The following CCDC144A variants were observed in gnomAD, a reference collection of about 807,000 sequenced individuals.
The protein encoded by CCDC144A is coiled-coil domain-containing protein 144A.
CCDC144A carries 41 observed loss-of-function variants against 143.8 expected under a neutral mutation model. The ratio of observed to expected loss-of-function variants is 0.29; its 90% CI spans 0.22 to 0.37. The LOEUF is 0.37. Ranked by LOEUF, CCDC144A falls within the 10% of genes least tolerant of loss-of-function variation. The pLI is 1.00. For missense variants in CCDC144A, 637 were observed against 1,488.8 expected (o/e 0.43, Z 9.41); for synonymous variants, 242 against 517.9 (o/e 0.47, Z 7.23).
chr17:16,724,094 A>G lies in CCDC144A; in HGVS notation c.1892-3433A>G, dbSNP rs548517766. Among the ~76,000 whole-genome samples the G allele has an allele frequency of 3.8e-3, 579 of 151,818 alleles. 8 individuals are homozygous for G. Among genetic ancestry groups the G allele is most frequent in the African/African-American group, 0.013 (551 of 41,202 alleles). ...AATTTCTCTTTGCATCGTGTCTTTGACCTAGGGTTATTTAGATGTGTATTA... is the reference window on the plus strand; with the variant it reads ...AATTTCTCTTTGCATCGTGTCTTTGGCCTAGGGTTATTTAGATGTGTATTA... On this transcript the variant is annotated intron_variant, in intron 8 of 16. Coordinates refer to ENST00000399273, the MANE Select transcript of CCDC144A (RefSeq NM_001382000.1).
intron 15 of CCDC144A, among the ~76,000 whole-genome samples, chr17:16,767,585 T>C (rs893493303): frequency 1.2e-4 from 19 of 152,316 alleles, no homozygotes; most frequent in African/African-American, 3.9e-4. Context: ...TAGAAATTTT[T>C]AGCTACGATT....
At chr17:16,680,877 A>G in the CCDC144A span, among the ~76,000 whole-genome samples, 1 of 152,058 alleles carries the variant, frequency 6.6e-6, no homozygotes, top group Non-Finnish European at 1.5e-5. Flanking sequence ...ATGGTATGAA[A>G]ACCCCACAAA....
chr17:16,691,766 AAC>A (rs1911099304), intron 1 of CCDC144A: 1 of 113,092 alleles, frequency 8.8e-6, no homozygotes, highest in African/African-American at 3.9e-5. Flanking sequence ...CTCAGTCTAA[AAC>A]AAACAAACAA....
At chr17:16,755,068 G>T (rs1473818370) in intron 12 of CCDC144A, among the ~76,000 whole-genome samples, 1 of 152,018 alleles carries the variant, frequency 6.6e-6, no homozygotes, top group African/African-American at 2.4e-5. Context: ...GTGTGCTTTT[G>T]GTTTCCATTT....
At chr17:16,755,004 T>C (rs1381050009) in intron 12 of CCDC144A, among the ~76,000 whole-genome samples, 3 of 152,248 alleles carry the variant, frequency 2.0e-5, no homozygotes, top group African/African-American at 7.2e-5. Flanking sequence ...TTTTATTTTA[T>C]TTTATTTTTT....
intron 12 of CCDC144A, among the ~76,000 whole-genome samples, chr17:16,745,170 A>G (rs1914437348): frequency 6.6e-6 from 1 of 151,712 alleles, no homozygotes; most frequent in Non-Finnish European, 1.5e-5. Context: ...CAAAGGTTGT[A>G]ACAAACAAGA....
upstream of CCDC144A, among the ~76,000 whole-genome samples, chr17:16,685,913 A>G (rs899992439): frequency 1.3e-5 from 2 of 149,160 alleles, no homozygotes; most frequent in African/African-American, 4.9e-5. Context: ...CTGGAATTAC[A>G]GGCGCCCACC....
At chr17:16,701,041 T>G (rs1911705266) in intron 2 of CCDC144A, among the ~76,000 whole-genome samples, 1 of 152,196 alleles carries the variant, frequency 6.6e-6, no homozygotes, top group African/African-American at 2.4e-5. Flanking sequence ...ATTAATTGCT[T>G]TATGTGTTTT....
chr17:16,741,850 T>A (rs1210695773), intron 12 of CCDC144A, among the ~76,000 whole-genome samples: 1 of 152,148 alleles, frequency 6.6e-6, no homozygotes, highest in African/African-American at 2.4e-5. Flanking sequence ...TCAGGCTAAT[T>A]AATATATTCC....
chr17:16,683,459 CGG>C, the CCDC144A span: 1 of 1,289,286 alleles, frequency 7.8e-7, no homozygotes, highest in South Asian at 1.3e-5. Flanking sequence ...CTGTCCCTGG[CGG>C]CAGAGTCGCC....
chr17:16,749,141 G>A (rs1467513744), intron 12 of CCDC144A, among the ~76,000 whole-genome samples: 1 of 151,858 alleles, frequency 6.6e-6, no homozygotes, highest in African/African-American at 2.4e-5. Flanking sequence ...CCAGCTTTGG[G>A]GTTATTTTGT....
chr17:16,683,425 C>T, the CCDC144A span: 3 of 1,034,016 alleles, frequency 2.9e-6, no homozygotes, highest in Non-Finnish European at 4.3e-6. Flanking sequence ...TTCCTGGTGC[C>T]GGGAGTGAGC....
intron 9 of CCDC144A, 54 bp downstream of exon 9, chr17:16,727,794 T>A: frequency 6.4e-7 from 1 of 1,568,696 alleles, no homozygotes; most frequent in Non-Finnish European, 8.7e-7. Flanking sequence ...TATATCAGAA[T>A]TTTTGTAACT....
chr17:16,723,628 C>T (rs1245661802), intron 8 of CCDC144A, among the ~76,000 whole-genome samples: 1 of 152,036 alleles, frequency 6.6e-6, no homozygotes, highest in Non-Finnish European at 1.5e-5. Context: ...ATTCCTGGTT[C>T]ATAGATCTCT....
In CCDC144A at chr17:16,709,543, C is replaced by G; in HGVS notation, c.1486C>G (p.Gln496Glu). 1 of 1,611,642 alleles carries G rather than the reference C, an allele frequency of 6.2e-7. No individual in the cohort carries two copies. The highest frequency in any genetic ancestry group is 1.1e-5 in the South Asian group (1 of 90,970). ...AGAAGTATATCTACATGAAGAATTA[C>G]AGCAAGACATGCAAAAGTTTAAGAA... ...TSEVYLHEEL[Q>E]QDMQKFKNEV... The change falls in exon 5 of 17, where the codon CAG (glutamine) becomes GAG (glutamate). Residue 496 changes from glutamine to glutamate, a missense_variant. Gln to Glu is a conservative substitution (Grantham distance 29). Coordinates refer to ENST00000399273, the MANE Select transcript of CCDC144A (RefSeq NM_001382000.1).
At chr17:16,697,671 C>CT (rs1306568379) in intron 2 of CCDC144A, among the ~76,000 whole-genome samples, 3 of 150,736 alleles carry the variant, frequency 2.0e-5, no homozygotes, top group African/African-American at 5.0e-5. Flanking sequence ...TTTACTTAAA[C>CT]TTTTTTTTTC....
At chr17:16,756,638 C>A (rs1388347119) in intron 12 of CCDC144A, among the ~76,000 whole-genome samples, 1 of 149,930 alleles carries the variant, frequency 6.7e-6, no homozygotes, top group Admixed American at 6.6e-5. Context: ...GTTTTGTTTT[C>A]TTTGGGATCT....
chr17:16,755,865 T>C (rs1915059449), intron 12 of CCDC144A, among the ~76,000 whole-genome samples: 1 of 152,198 alleles, frequency 6.6e-6, no homozygotes, highest in Non-Finnish European at 1.5e-5. Flanking sequence ...CTGGCCCCTC[T>C]TTTTCAGTTT....
chr17:16,761,365 T>C (rs1915358445), intron 12 of CCDC144A, 60 bp from the exon 13 acceptor site: 19 of 1,531,888 alleles, frequency 1.2e-5, no homozygotes, highest in Non-Finnish European at 1.6e-5. Context: ...ATTAGTTTTT[T>C]GTTAGACCAT....
Sources: allele counts gnomAD v4.1 joint callset (sites outside exome capture counted in the v4.1 genomes callset), GRCh38; gene constraint gnomAD v4.1.1; transcripts MANE v1.5; gene names NCBI Gene and HGNC (gene_info 2026-07-23, HGNC 2026-07-21).